ENTPD7: variants seen among roughly 807,000 people sequenced by gnomAD.
ENTPD7 encodes ectonucleoside triphosphate diphosphohydrolase 7.
ENTPD7 carries 53 observed loss-of-function variants against 77.9 expected under a neutral mutation model. The ratio of observed to expected loss-of-function variants is 0.68; its 90% CI spans 0.55 to 0.85. The LOEUF (loss-of-function observed/expected upper bound fraction) is 0.85, where lower values mean the gene tolerates loss of function less well. Among genes scored for constraint, ENTPD7 ranks in the 40% least tolerant of loss-of-function variants. The pLI is 0.00. For synonymous variants in ENTPD7, 248 were observed against 274.9 expected, an observed-to-expected ratio of 0.90 and a Z score of 0.97; for missense variants, 636 against 743.7, an observed-to-expected ratio of 0.86 and a Z score of 1.68.
Position 99,708,489 on chromosome 10 carries a change from G to T in ENTPD7, c.*3806G>T, listed in dbSNP as rs1016902480. 2.0e-5 allele frequency among the ~76,000 whole-genome samples: 3 copies of T among 152,178 alleles called. No individual in the cohort carries two copies. Among genetic ancestry groups the T allele is most frequent in the African/African-American group, 7.2e-5 (3 of 41,446 alleles). ...TTACTAGCTCTGGTACCCCAGGCCA[G>T]TCACTTACCATCTCTGGTTCGGTTC... On this transcript the variant is annotated 3_prime_UTR_variant, in exon 13 of 13. Transcript: ENST00000370489.
chr10:99,682,789 G>T (rs766081139), intron 5 of ENTPD7, among the ~76,000 whole-genome samples: 4 of 152,180 alleles, frequency 2.6e-5, no homozygotes. Context: ...AAGAGCAGGT[G>T]CCACATCACA....
At chr10:99,669,884 G>A (rs1564627783) in intron 3 of ENTPD7, among the ~76,000 whole-genome samples, 3 of 151,380 alleles carry the variant, frequency 2.0e-5, no homozygotes, top group Non-Finnish European at 4.4e-5. Flanking sequence ...CAAGTAGCTG[G>A]GACTACAGGC....
At chr10:99,678,566 C>T (rs2035714259) in intron 3 of ENTPD7, among the ~76,000 whole-genome samples, 1 of 151,366 alleles carries the variant, frequency 6.6e-6, no homozygotes, top group Admixed American at 6.6e-5. Context: ...TAATGCAATT[C>T]TAGCAATATA....
rs188328622 is a variant in ENTPD7 at position 99,710,672 on chromosome 10, T to C, written c.*5989T>C. ...CAGGGACATGGGTATATGTGTTACA[T>C]ATGCTGATATATAACCCACCATTCA... is the stretch of plus-strand genomic sequence containing the variant. On this transcript the variant is annotated 3_prime_UTR_variant, in exon 13 of 13. Coordinates refer to ENST00000370489, the MANE Select transcript of ENTPD7 (RefSeq NM_020354.5). 2.8e-4 allele frequency: 279 copies of C among 985,444 alleles called. No individual in the cohort carries two copies. Among genetic ancestry groups the C allele is most frequent in the Non-Finnish European group, 3.2e-4 (263 of 829,920 alleles). 61.0% of individuals were successfully genotyped at this position (985,444 alleles called of 1,614,324 possible).
chr10:99,660,106 C>G, intron 2 of ENTPD7, 142 bp downstream of exon 2: 1 of 1,310,784 alleles, frequency 7.6e-7, no homozygotes, highest in Non-Finnish European at 1.1e-6. Context: ...GATGCAGAGA[C>G]GATCAAAGTT....
intron 5 of ENTPD7, among the ~76,000 whole-genome samples, chr10:99,684,998 C>T (rs1300772317): frequency 6.6e-6 from 1 of 152,196 alleles, no homozygotes; most frequent in Non-Finnish European, 1.5e-5. Context: ...TGACTCACAC[C>T]TGTAATCCCA....
Position 99,706,002 on chromosome 10 carries a change from A to G in ENTPD7, c.*1319A>G, listed in dbSNP as rs2036243396. Reference sequence around the variant, plus strand: ...TTATATTTTACCCTTTCCTACATGTAGCCTTGAATGTCCTTTCCACGAATA... The same window carrying G: ...TTATATTTTACCCTTTCCTACATGTGGCCTTGAATGTCCTTTCCACGAATA... On this transcript the variant is annotated 3_prime_UTR_variant, in exon 13 of 13. Transcript: ENST00000370489. 6.6e-6 allele frequency: 1 copy of G among 152,196 alleles called. No individual in the cohort carries two copies. Among genetic ancestry groups the G allele is most frequent in the Non-Finnish European group, 1.5e-5 (1 of 68,034 alleles). 9.4% of individuals were successfully genotyped at this position (152,196 alleles called of 1,614,324 possible).
intron 2 of ENTPD7, 52 bp downstream of exon 2, chr10:99,660,016 C>A (rs2035457317): frequency 1.2e-6 from 2 of 1,613,280 alleles, no homozygotes; most frequent in Non-Finnish European, 1.7e-6. Context: ...GGATGGCAGG[C>A]AGGTTGGGGG....
At chr10:99,683,969 G>A (rs2035782542) in intron 5 of ENTPD7, among the ~76,000 whole-genome samples, 1 of 152,152 alleles carries the variant, frequency 6.6e-6, no homozygotes, top group Non-Finnish European at 1.5e-5. Flanking sequence ...ATTTCTAAAA[G>A]TATAACAGCT....
chr10:99,676,498 G>A (rs1176473075), intron 3 of ENTPD7, among the ~76,000 whole-genome samples: 1 of 152,172 alleles, frequency 6.6e-6, no homozygotes, highest in East Asian at 1.9e-4. Flanking sequence ...TCAGAGAAGG[G>A]AAGCAGGAAG....
Position 99,670,593 on chromosome 10 carries a change from G to A in ENTPD7, c.192-8668G>A, listed in dbSNP as rs540035761. Among the ~76,000 whole-genome samples, 21 of 152,224 alleles carry A rather than the reference G, an allele frequency of 1.4e-4. No individual in the cohort carries two copies. The East Asian group carries it at 1.7e-3, about 13-fold the overall frequency. ...CACACTGAGGCTGTGTGGTGTATAC[G>A]CTCCTAGCCTACAAGCCTGTACACA... On this transcript the variant is annotated intron_variant, in intron 3 of 12. Transcript: ENST00000370489.
At chr10:99,685,007 C>T (rs1463036943) in intron 5 of ENTPD7, among the ~76,000 whole-genome samples, 1 of 152,140 alleles carries the variant, frequency 6.6e-6, no homozygotes, top group African/African-American at 2.4e-5. Flanking sequence ...CCTGTAATCC[C>T]AGCACTTTGG....
rs1330986297 is a variant in ENTPD7, at chr10:99,710,693, A to G, written c.*6010A>G. 1 of 985,348 alleles carries G rather than the reference A, an allele frequency of 1.0e-6. No individual in the cohort carries two copies. The highest frequency in any genetic ancestry group is 1.2e-6 in the Non-Finnish European group (1 of 829,944). 61.0% of individuals were successfully genotyped at this position (985,348 alleles called of 1,614,324 possible). ...TACATATGCTGATATATAACCCACC[A>G]TTCATCCCAGGACCACAAGGGTAGC... is the stretch of plus-strand genomic sequence containing the variant. On this transcript the variant is annotated 3_prime_UTR_variant, in exon 13 of 13. Coordinates refer to ENST00000370489, the MANE Select transcript of ENTPD7 (RefSeq NM_020354.5).
intron 3 of ENTPD7, among the ~76,000 whole-genome samples, chr10:99,678,562 A>C (rs892840337): frequency 5.9e-5 from 9 of 151,896 alleles, no homozygotes; most frequent in Non-Finnish European, 1.3e-4. Flanking sequence ...TTTTTAATGC[A>C]ATTCTAGCAA....
At chr10:99,661,300 C>T in intron 2 of ENTPD7, 146 bp from the exon 3 acceptor site, 1 of 662,314 alleles carries the variant, frequency 1.5e-6, no homozygotes, top group East Asian at 3.0e-5. Flanking sequence ...TGAGCTTCTT[C>T]TAAAATTAGA....
chr10:99,683,151 C>G (rs952139443), intron 5 of ENTPD7, among the ~76,000 whole-genome samples: 1 of 151,742 alleles, frequency 6.6e-6, no homozygotes, highest in Non-Finnish European at 1.5e-5. Flanking sequence ...TTCTGGTCAC[C>G]TCTCTAAATA....
At position 99,706,787 on chromosome 10, in the gene ENTPD7, T is replaced by C. The variant is rs569437466; in HGVS notation, c.*2104T>C. Among the ~76,000 whole-genome samples, 1 of 152,352 alleles carries C rather than the reference T, an allele frequency of 6.6e-6. No individual in the cohort carries two copies. Among genetic ancestry groups the C allele is most frequent in the South Asian group, 2.1e-4 (1 of 4,830 alleles). On this transcript the variant is annotated 3_prime_UTR_variant, in exon 13 of 13. Transcript: ENST00000370489. ...TTAAAAATAATGTCAAAATATGTTT[T>C]AGCTGCCTACTCAGGTAACGTTTTC...
At chr10:99,662,277 G>A (rs1417909570) in intron 3 of ENTPD7, among the ~76,000 whole-genome samples, 1 of 151,860 alleles carries the variant, frequency 6.6e-6, no homozygotes, top group African/African-American at 2.4e-5. Flanking sequence ...CTTTTCAGTT[G>A]AGCACAGTTT....
Position 99,710,293 on chromosome 10 carries a change from T to G in ENTPD7, c.*5610T>G. The G allele has an allele frequency of 1.0e-6, 1 of 985,450 alleles. No individual in the cohort carries two copies. The highest frequency in any genetic ancestry group is 1.2e-6 in the Non-Finnish European group (1 of 829,940). 61.0% of individuals were successfully genotyped at this position (985,450 alleles called of 1,614,324 possible). ...GGGATCCCAGACACATACTTTGGTT[T>G]CTAGTGTTTCAGTTACTATGTTGTA... On this transcript the variant is annotated 3_prime_UTR_variant, in exon 13 of 13. Coordinates refer to ENST00000370489, the MANE Select transcript of ENTPD7 (RefSeq NM_020354.5).
Sources: allele counts gnomAD v4.1 joint callset (sites outside exome capture counted in the v4.1 genomes callset), GRCh38; gene constraint gnomAD v4.1.1; transcripts MANE v1.5; gene names NCBI Gene and HGNC (gene_info 2026-07-23, HGNC 2026-07-21).